The following DENND2D variants were observed in gnomAD, a reference collection of about 807,000 sequenced individuals.
The protein encoded by DENND2D is DENN domain containing 2D, also known as DENN domain-containing protein 2D.
In DENND2D, 37 loss-of-function variants were observed where a neutral mutation model predicts 59.8. The ratio of observed to expected loss-of-function variants is 0.62; its 90% CI spans 0.48 to 0.81. The LOEUF (loss-of-function observed/expected upper bound fraction) is 0.81, where lower values mean the gene tolerates loss of function less well. DENND2D is among the 40% of genes least tolerant of loss of function. The pLI is 0.00. For missense variants in DENND2D, 525 were observed against 579.7 expected, an observed-to-expected ratio of 0.91 and a Z score of 0.97; for synonymous variants, 219 against 211.3, an observed-to-expected ratio of 1.04 and a Z score of -0.31.
intron 5 of DENND2D, 163 bp from the exon 6 acceptor site, chr1:111,196,219 C>G: frequency 3.8e-6 from 3 of 785,074 alleles, no homozygotes; most frequent in Non-Finnish European, 5.7e-6. Flanking sequence ...CCCTCCCTGG[C>G]AGAGGCTGGG....
upstream of DENND2D, chr1:111,201,382 T>C (rs1276531970): frequency 6.6e-6 from 1 of 152,218 alleles, no homozygotes; most frequent in Non-Finnish European, 1.5e-5. Context: ...GTCCCCAGCA[T>C]AAGGTAGGGG....
rs1004924679 is a variant in DENND2D, at chr1:111,186,358, T to G, written c.*1247A>C. Among the ~76,000 whole-genome samples, 1 of 152,206 alleles carries G rather than the reference T, an allele frequency of 6.6e-6. No individual in the cohort carries two copies. The highest frequency in any genetic ancestry group is 1.5e-5 in the Non-Finnish European group (1 of 68,038). ...AATAGTAGTGTAGCTAAGCACGGTGTGTGGACAGTGGGACATCTGCCACCT... is the reference window on the plus strand; with the variant it reads ...AATAGTAGTGTAGCTAAGCACGGTGGGTGGACAGTGGGACATCTGCCACCT... On this transcript the variant is annotated 3_prime_UTR_variant, in exon 12 of 12. Transcript: ENST00000357640.
chr1:111,201,219 G>A (rs1335168942), upstream of DENND2D: 1 of 152,232 alleles, frequency 6.6e-6, no homozygotes, highest in South Asian at 2.1e-4. Flanking sequence ...GTGCAGTAGA[G>A]AGCAAAATCC....
At chr1:111,196,929 A>G (rs540385287) in intron 5 of DENND2D, 10 of 462,970 alleles carry the variant, frequency 2.2e-5, no homozygotes, top group African/African-American at 5.8e-5. Flanking sequence ...TCCTACTTCA[A>G]CTACTTTCTT....
chr1:111,199,583 C>A (rs757114866), intron 2 of DENND2D, 40 bp downstream of exon 2: 3 of 1,585,788 alleles, frequency 1.9e-6, no homozygotes, highest in Non-Finnish European at 2.6e-6. Context: ...TCCAAACACC[C>A]CAGTCCTCTG....
chr1:111,198,623 C>T lies in DENND2D; in HGVS notation c.356+7G>A, dbSNP rs1461404670. 3 of 1,613,816 alleles carry T rather than the reference C, an allele frequency of 1.9e-6. No homozygotes were observed. Among genetic ancestry groups the T allele is most frequent in the Admixed American group, 1.7e-5 (1 of 60,028 alleles). ...TCCAATACCCTTGCCCAGGGCTGAG[C>T]AATTACCTGGGATACTCGGTGAGTG... On this transcript the variant is annotated splice_region_variant and intron_variant, in intron 3 of 11. Transcript: ENST00000357640.
At chr1:111,190,153 G>C (rs1433553303) in intron 8 of DENND2D, among the ~76,000 whole-genome samples, 2 of 95,014 alleles carry the variant, frequency 2.1e-5, no homozygotes, top group South Asian at 1.1e-3. Context: ...GACACAGCGA[G>C]ACTCTGTCTC....
intron 7 of DENND2D, among the ~76,000 whole-genome samples, chr1:111,193,840 G>T (rs1326929458): frequency 6.6e-6 from 1 of 152,110 alleles, no homozygotes; most frequent in Admixed American, 6.6e-5. Flanking sequence ...AGAGACCATG[G>T]CACAATAGTA....
At position 111,198,742 on chromosome 1, in the gene DENND2D, G is replaced by A. The variant is rs762577834; in HGVS notation, c.244C>T (p.Arg82Trp). ...TGCTGACCCCGAAGCAGGTTCTCCCGCTATAAGGCAAAGGAAAAGACAAGT... is the reference window on the plus strand; with the variant it reads ...TGCTGACCCCGAAGCAGGTTCTCCCACTATAAGGCAAAGGAAAAGACAAGT... The part of the protein sequence containing the change: ...EPIITYQFPK[R>W]ENLLRGQQEE... Residue 82 changes from arginine to tryptophan, a missense_variant and splice_region_variant, in exon 3 of 12, where the codon CGG becomes TGG. This residue lies in a region of DENND2D where 253 missense variants were observed against 246.4 expected (regional missense o/e 1.03). Transcript: ENST00000357640. 1.2e-4 allele frequency: 188 copies of A among 1,613,898 alleles called. No homozygotes were observed. Among genetic ancestry groups the A allele is most frequent in the Middle Eastern group, 3.3e-4 (2 of 6,076 alleles).
Position 111,198,667 on chromosome 1 carries a change from C to A in DENND2D, c.319G>T (p.Asp107Tyr). Reference protein sequence around the residue: ...LKAIPLFCFPDGNEWASLTEY... With the variant: ...LKAIPLFCFPYGNEWASLTEY... ...GTGAGTGATGCCCACTCATTCCCAT[C>A]TGGGAAGCAGAACAAGGGGATAGCT... The change falls in exon 3 of 12, where the codon GAT becomes TAT. Residue 107 changes from aspartate to tyrosine, a missense_variant. Around this residue, in one of 3 missense-constraint regions of DENND2D, gnomAD observed 253 missense variants for 246.4 expected, o/e 1.03. Coordinates refer to ENST00000357640, the MANE Select transcript of DENND2D (RefSeq NM_024901.5). 1 of 1,614,196 alleles carries A rather than the reference C, an allele frequency of 6.2e-7. No homozygotes were observed. Among genetic ancestry groups the A allele is most frequent in the Non-Finnish European group, 8.5e-7 (1 of 1,180,036 alleles).
At chr1:111,200,816 A>C, upstream of DENND2D, 1 of 794,614 alleles carries the variant, frequency 1.3e-6, no homozygotes, top group Non-Finnish European at 1.7e-6. Context: ...TTATGGGCTA[A>C]GGGTTTTGAA....
upstream of DENND2D, chr1:111,204,406 C>T (rs575935147): frequency 1.8e-4 from 237 of 1,342,584 alleles, no homozygotes; most frequent in South Asian, 3.6e-3. Context: ...CCCCGCCCCC[C>T]TATCCTTGAC....
At chr1:111,204,427 C>T (rs981252504), upstream of DENND2D, 73 of 1,309,500 alleles carry the variant, frequency 5.6e-5, no homozygotes, top group African/African-American at 9.9e-4. Context: ...CTCCGCGGGT[C>T]CGACACTTTC....
chr1:111,192,976 C>G (rs1657919304), intron 7 of DENND2D, among the ~76,000 whole-genome samples: 1 of 152,188 alleles, frequency 6.6e-6, no homozygotes, highest in African/African-American at 2.4e-5. Context: ...GAAAGTCCCA[C>G]AAAGGTGCCT....
At chr1:111,202,284 A>G (rs1658879704), upstream of DENND2D, 1 of 152,228 alleles carries the variant, frequency 6.6e-6, no homozygotes, top group African/African-American at 2.4e-5. Flanking sequence ...TTGACAAAAG[A>G]AAGTAATTAG....
At position 111,188,696 on chromosome 1, in the gene DENND2D, A is replaced by T. The variant is rs78859767; in HGVS notation, c.1099+6T>A. Reference sequence around the variant, plus strand: ...GGAGAGACCCAAAATAAGAGTAAGGACTTACTCTTTAACTCATTGATCCCC... The same window carrying T: ...GGAGAGACCCAAAATAAGAGTAAGGTCTTACTCTTTAACTCATTGATCCCC... On this transcript the variant is annotated splice_donor_region_variant and intron_variant, in intron 10 of 11. Coordinates refer to ENST00000357640, the MANE Select transcript of DENND2D (RefSeq NM_024901.5). 83,617 of 1,604,194 alleles carry T rather than the reference A, an allele frequency of 0.052. 2,523 individuals carry two copies. The highest frequency in any genetic ancestry group is 0.061 in the Non-Finnish European group (70,864 of 1,171,010).
At chr1:111,200,687 G>A, upstream of DENND2D, 3 of 1,315,324 alleles carry the variant, frequency 2.3e-6, no homozygotes, top group South Asian at 2.9e-5. Context: ...CACCAACAGA[G>A]TCAGCATCCT....
chr1:111,191,504 G>C (rs2484459), intron 8 of DENND2D, among the ~76,000 whole-genome samples: 23,638 of 152,156 alleles, frequency 0.16, 1,988 homozygotes, highest in Middle Eastern at 0.26. Context: ...CAACAGCGGG[G>C]ATAGATTTAC....
intron 3 of DENND2D, among the ~76,000 whole-genome samples, chr1:111,198,307 G>A (rs1366368079): frequency 6.6e-6 from 1 of 152,210 alleles, no homozygotes; most frequent in Non-Finnish European, 1.5e-5. Flanking sequence ...CATGCTAGAA[G>A]GGCCTTTGCT....
Sources: gnomAD v4.1 joint callset for allele counts (sites outside exome capture counted in the v4.1 genomes callset) on GRCh38, gnomAD v4.1.1 for gene constraint, gnomAD v4.1.1 regional missense constraint, MANE v1.5 for transcripts, NCBI Gene and HGNC (gene_info 2026-07-23, HGNC 2026-07-21) for gene names.